Variants in PYY observed in about 807,000 individuals in gnomAD.
PYY encodes peptide YY, also known as peptide tyrosine tyrosine.
In PYY, 12 loss-of-function variants were observed where a neutral mutation model predicts 10.3. That is an observed-to-expected ratio of 1.17 (90% confidence interval 0.75 to 1.89). The LOEUF (loss-of-function observed/expected upper bound fraction) is 1.89, where lower values mean the gene tolerates loss of function less well. Among genes scored for constraint, PYY ranks in the 40% most tolerant of loss-of-function variants. PYY has a pLI of 0.00. For synonymous variants in PYY, 66 were observed against 62.0 expected, an observed-to-expected ratio of 1.06 and a Z score of -0.30; for missense variants, 141 against 134.0, an observed-to-expected ratio of 1.05 and a Z score of -0.26.
intron 1 of PYY, among the ~76,000 whole-genome samples, chr17:43,999,086 C>G (rs1401241422): frequency 6.6e-6 from 1 of 151,906 alleles, no homozygotes; most frequent in Non-Finnish European, 1.5e-5. Context: ...AGGAAGACAG[C>G]AGGAGAAAGA....
chr17:43,974,239 A>T (rs1283117443), intron 1 of PYY, among the ~76,000 whole-genome samples: 1 of 151,888 alleles, frequency 6.6e-6, no homozygotes, highest in East Asian at 1.9e-4. Flanking sequence ...CCCGCACATA[A>T]CATTTGTGTC....
chr17:43,957,325 A>G (rs992486047), upstream of PYY, among the ~76,000 whole-genome samples: 8 of 152,108 alleles, frequency 5.3e-5, no homozygotes, highest in African/African-American at 1.9e-4. Context: ...TTGCCCTTAT[A>G]GAGCTCACAT....
chr17:43,999,278 G>C (rs1053356125), intron 1 of PYY, among the ~76,000 whole-genome samples: 1 of 152,104 alleles, frequency 6.6e-6, no homozygotes, highest in South Asian at 2.1e-4. Context: ...GTAGGGGTGG[G>C]GGAGATGGCC....
chr17:43,957,431 G>T (rs2048681575), upstream of PYY, among the ~76,000 whole-genome samples: 1 of 152,052 alleles, frequency 6.6e-6, no homozygotes, highest in South Asian at 2.1e-4. Flanking sequence ...GCCAAGGCAG[G>T]TGGATCATCT....
chr17:43,981,042 T>C (rs2048880730), intron 1 of PYY, among the ~76,000 whole-genome samples: 1 of 152,002 alleles, frequency 6.6e-6, no homozygotes, highest in African/African-American at 2.4e-5. Context: ...CTTTTTTTTT[T>C]TAGTACAGAT....
intron 1 of PYY, among the ~76,000 whole-genome samples, chr17:43,977,088 G>T (rs1287726509): frequency 6.6e-6 from 1 of 152,096 alleles, no homozygotes; most frequent in African/African-American, 2.4e-5. Flanking sequence ...TGCCTTCCTG[G>T]CCTAGAGTGA....
At chr17:43,957,920 A>G (rs1769026479), upstream of PYY, 1 of 154,694 alleles carries the variant, frequency 6.5e-6, no homozygotes, top group Non-Finnish European at 1.5e-5. Context: ...GAGCTCTCCT[A>G]GGAGCTCTCC....
rs753380557 is a variant in PYY at position 43,953,123 on chromosome 17, G to T, written c.255C>A (p.Arg85=). 2 of 1,614,076 alleles carry T rather than the reference G, an allele frequency of 1.2e-6. No homozygotes were observed. Among genetic ancestry groups the T allele is most frequent in the Admixed American group, 1.7e-5 (1 of 60,024 alleles). Residue 85 remains arginine (R), a synonymous_variant, in exon 3 of 4, where the codon CGC becomes CGA. Coordinates refer to ENST00000692052, the MANE Select transcript of PYY (RefSeq NM_001394028.1). ...GGCGCTTTTACCGCGACCTGACGGG[G>T]CGGTCCTCGCCGTCGGGGAAGAACG... The part of the protein sequence containing the change: ...SKTFFPDGED[R]PVRSRSEGPD...
chr17:43,956,285 C>G (rs1213975503), upstream of PYY, among the ~76,000 whole-genome samples: 1 of 152,104 alleles, frequency 6.6e-6, no homozygotes, highest in East Asian at 1.9e-4. Flanking sequence ...CCTCATACCC[C>G]CACCCTCCAA....
At chr17:43,959,765 C>T (rs188364117) in intron 2 of PYY, among the ~76,000 whole-genome samples, 4 of 152,384 alleles carry the variant, frequency 2.6e-5, no homozygotes, top group African/African-American at 4.8e-5. Flanking sequence ...GGTCCCTGGG[C>T]GCCAGCCCCT....
At chr17:44,001,245 C>T (rs1356708349) in intron 1 of PYY, among the ~76,000 whole-genome samples, 2 of 152,172 alleles carry the variant, frequency 1.3e-5, no homozygotes, top group African/African-American at 4.8e-5. Flanking sequence ...GGGCTTAAAC[C>T]TGGCTACTGT....
rs2048831898 is a variant in PYY at position 43,976,026 on chromosome 17, A to G, written c.-462-9494T>C. ...CGTGTACATACACGTGTATACGTGT[A>G]TAAGCGTATACATGTATATGTATAA... On this transcript the variant is annotated intron_variant, in intron 1 of 6. Transcript: ENST00000360085. 1.4e-5 allele frequency among the ~76,000 whole-genome samples: 2 copies of G among 145,508 alleles called. 1 individual carries two copies. The highest frequency in any genetic ancestry group is 3.0e-5 in the Non-Finnish European group (2 of 65,904).
intron 1 of PYY, among the ~76,000 whole-genome samples, chr17:44,000,607 C>T (rs2049019565): frequency 6.9e-6 from 1 of 144,416 alleles, no homozygotes. Flanking sequence ...TGCTCTGTCA[C>T]ACAGGCTGGA....
At chr17:43,999,331 A>T (rs1409798270) in intron 1 of PYY, among the ~76,000 whole-genome samples, 3 of 152,102 alleles carry the variant, frequency 2.0e-5, no homozygotes, top group African/African-American at 7.2e-5. Context: ...GAGGACCTGG[A>T]GGCAGCAATT....
intron 2 of PYY, among the ~76,000 whole-genome samples, chr17:43,959,647 G>A (rs766659556): frequency 7.2e-5 from 11 of 152,236 alleles, no homozygotes; most frequent in African/African-American, 2.4e-4. Context: ...GCTCCACAGC[G>A]CTCCAGCCTG....
chr17:43,992,123 GAAAAAA>G (rs11396568), intron 1 of PYY, among the ~76,000 whole-genome samples: 1 of 120,510 alleles, frequency 8.3e-6, no homozygotes, highest in Non-Finnish European at 1.6e-5. Flanking sequence ...CTGTCTCAAA[GAAAAAA>G]AAAAAAAAAA....
At chr17:43,995,384 C>T (rs2048984458) in intron 1 of PYY, among the ~76,000 whole-genome samples, 1 of 152,128 alleles carries the variant, frequency 6.6e-6, no homozygotes, top group African/African-American at 2.4e-5. Context: ...CTGTCACCCA[C>T]GCTGGAGGCG....
rs764034822 is a variant in PYY, at chr17:43,966,737, A to G, written c.-462-205T>C. On this transcript the variant is annotated intron_variant, in intron 1 of 6. Transcript: ENST00000360085. Reference sequence around the variant, plus strand: ...TTATTTGTATGCTTGTTGTCTGACTACTAGAATGGAGGCTCCATGAGAGCA... The same window carrying G: ...TTATTTGTATGCTTGTTGTCTGACTGCTAGAATGGAGGCTCCATGAGAGCA... 7.9e-4 allele frequency among the ~76,000 whole-genome samples: 121 copies of G among 152,310 alleles called. 1 individual carries two copies. Among genetic ancestry groups the G allele is most frequent in the Non-Finnish European group, 1.2e-3 (85 of 68,022 alleles).
chr17:43,986,710 G>T (rs898661068), intron 1 of PYY, among the ~76,000 whole-genome samples: 18 of 152,280 alleles, frequency 1.2e-4, no homozygotes, highest in African/African-American at 4.3e-4. Context: ...CCTTCCCAGG[G>T]CTGCTGTCTG....
Sources: allele counts gnomAD v4.1 joint callset (sites outside exome capture counted in the v4.1 genomes callset), GRCh38; gene constraint gnomAD v4.1.1; transcripts MANE v1.5; gene names NCBI Gene and HGNC (gene_info 2026-07-23, HGNC 2026-07-21).